The following GABBR2 variants were observed in gnomAD, a reference collection of about 807,000 sequenced individuals.
GABBR2 encodes G-protein coupled receptor 51.
A neutral mutation model predicts 105.6 loss-of-function variants in GABBR2; 23 were observed. The ratio of observed to expected loss-of-function variants is 0.22; its 90% CI spans 0.16 to 0.31. The LOEUF is 0.31. Among genes scored for constraint, GABBR2 ranks in the 10% least tolerant of loss-of-function variants. The pLI is 1.00. For missense variants in GABBR2, 734 were observed against 1,245.5 expected (o/e 0.59, Z 6.18); for synonymous variants, 478 against 499.7 (o/e 0.96, Z 0.58).
intron 1 of GABBR2, among the ~76,000 whole-genome samples, chr9:98,686,310 C>G (rs139193897): frequency 4.6e-5 from 7 of 152,266 alleles, no homozygotes; most frequent in African/African-American, 1.7e-4. Flanking sequence ...CACTGGTCCA[C>G]GCTGTATTTG....
intron 1 of GABBR2, among the ~76,000 whole-genome samples, chr9:98,604,575 A>C (rs1829384804): frequency 6.6e-6 from 1 of 152,222 alleles, no homozygotes; most frequent in African/African-American, 2.4e-5. Flanking sequence ...ACACCTGCAT[A>C]AATTGGAACA....
intron 7 of GABBR2, among the ~76,000 whole-genome samples, chr9:98,441,272 C>A (rs1204511550): frequency 6.7e-6 from 1 of 149,932 alleles, no homozygotes; most frequent in African/African-American, 2.5e-5. Context: ...AATAAAATTG[C>A]TCTATCATAA....
At chr9:98,667,497 C>CA (rs1219472809) in intron 1 of GABBR2, among the ~76,000 whole-genome samples, 1 of 152,152 alleles carries the variant, frequency 6.6e-6, no homozygotes, top group Non-Finnish European at 1.5e-5. Flanking sequence ...GTCCCCTCCC[C>CA]AGGGGCAGCC....
chr9:98,470,007 C>T lies in GABBR2; in HGVS notation c.999+3139G>A, dbSNP rs565042701. Among the ~76,000 whole-genome samples the T allele has an allele frequency of 5.3e-5, 8 of 152,328 alleles. No homozygotes were observed. In the South Asian group the frequency reaches 1.7e-3, roughly 32 times the overall value. On this transcript the variant is annotated intron_variant, in intron 6 of 18. Transcript: ENST00000259455. ...ATGTTTGACCATAGACTTCTGAAGGCTGTTCGGAGAAGTTGGCTTGTGGTC... is the reference window on the plus strand; with the variant it reads ...ATGTTTGACCATAGACTTCTGAAGGTTGTTCGGAGAAGTTGGCTTGTGGTC...
intron 13 of GABBR2, among the ~76,000 whole-genome samples, chr9:98,325,202 G>C (rs553832648): frequency 9.2e-4 from 139 of 150,550 alleles, no homozygotes; most frequent in Non-Finnish European, 1.4e-3. Context: ...ATTTTGAGCT[G>C]AAATCTATAC....
intron 7 of GABBR2, among the ~76,000 whole-genome samples, chr9:98,448,666 C>T (rs1379140898): frequency 6.6e-6 from 1 of 152,162 alleles, no homozygotes; most frequent in Admixed American, 6.5e-5. Flanking sequence ...GATCCACCCA[C>T]CTCAGCCTCC....
intron 1 of GABBR2, among the ~76,000 whole-genome samples, chr9:98,580,141 C>T (rs769833326): frequency 6.6e-6 from 1 of 152,128 alleles, no homozygotes; most frequent in African/African-American, 2.4e-5. Flanking sequence ...AACCTCCTTC[C>T]AGTTCCCTGA....
intron 2 of GABBR2, among the ~76,000 whole-genome samples, chr9:98,576,359 AC>A (rs1466486254): frequency 2.0e-5 from 3 of 151,994 alleles, no homozygotes; most frequent in Non-Finnish European, 4.4e-5. Context: ...TATTCCATTC[AC>A]TGACATGGAA....
At chr9:98,338,142 A>T (rs1014333134) in intron 13 of GABBR2, among the ~76,000 whole-genome samples, 1 of 152,248 alleles carries the variant, frequency 6.6e-6, no homozygotes, top group Non-Finnish European at 1.5e-5. Flanking sequence ...CAAATACCTA[A>T]ATGTAAGAAC....
intron 1 of GABBR2, among the ~76,000 whole-genome samples, chr9:98,646,877 A>G (rs1830033827): frequency 6.6e-6 from 1 of 152,124 alleles, no homozygotes. Flanking sequence ...TTCAGTGATG[A>G]GCAATGCCAG....
chr9:98,590,929 C>CCCATAAA (rs1829137921), intron 1 of GABBR2, among the ~76,000 whole-genome samples: 1 of 152,134 alleles, frequency 6.6e-6, no homozygotes, highest in Non-Finnish European at 1.5e-5. Flanking sequence ...ATTCATTCAT[C>CCCATAAA]CCATAAACGC....
chr9:98,696,957 G>A (rs1830760701), intron 1 of GABBR2, among the ~76,000 whole-genome samples: 1 of 151,930 alleles, frequency 6.6e-6, no homozygotes, highest in African/African-American at 2.4e-5. Context: ...GCAAGCAGTT[G>A]GGGGTGAAAT....
chr9:98,343,742 C>T (rs1197505178), intron 13 of GABBR2, among the ~76,000 whole-genome samples: 1 of 151,958 alleles, frequency 6.6e-6, no homozygotes, highest in African/African-American at 2.4e-5. Flanking sequence ...CCTGTAGTCC[C>T]AGCTACTCAG....
chr9:98,520,016 G>A (rs1827834915), intron 3 of GABBR2, among the ~76,000 whole-genome samples: 1 of 152,178 alleles, frequency 6.6e-6, no homozygotes, highest in South Asian at 2.1e-4. Flanking sequence ...AGACTAGCAT[G>A]CTAGCTATGT....
intron 3 of GABBR2, among the ~76,000 whole-genome samples, chr9:98,498,987 C>G (rs1470499977): frequency 6.6e-6 from 1 of 152,234 alleles, no homozygotes; most frequent in South Asian, 2.1e-4. Flanking sequence ...TTGCATGGCA[C>G]CCACATTCCA....
chr9:98,414,559 A>AGG (rs1419754798), intron 7 of GABBR2, among the ~76,000 whole-genome samples: 1 of 152,220 alleles, frequency 6.6e-6, no homozygotes, highest in Non-Finnish European at 1.5e-5. Context: ...ACTTGATCTA[A>AGG]GTCCTATAGA....
intron 1 of GABBR2, among the ~76,000 whole-genome samples, chr9:98,620,014 C>T (rs981405767): frequency 2.0e-5 from 3 of 152,164 alleles, no homozygotes; most frequent in African/African-American, 7.2e-5. Context: ...GGACTTAACA[C>T]CTGTCTTACA....
intron 3 of GABBR2, chr9:98,538,585 G>C: frequency 1.0e-6 from 1 of 983,820 alleles, no homozygotes; most frequent in Non-Finnish European, 1.2e-6. Context: ...AGGAGCAGCT[G>C]GTCCCCAGGT....
intron 1 of GABBR2, among the ~76,000 whole-genome samples, chr9:98,662,165 T>C (rs939696068): frequency 1.3e-5 from 2 of 152,192 alleles, no homozygotes; most frequent in Non-Finnish European, 2.9e-5. Context: ...GAAATCGTTT[T>C]CAGAGCAAAA....
Sources: allele counts gnomAD v4.1 joint callset (sites outside exome capture counted in the v4.1 genomes callset), GRCh38; gene constraint gnomAD v4.1.1; transcripts MANE v1.5; gene names NCBI Gene and HGNC (gene_info 2026-07-23, HGNC 2026-07-21).